The following DLG2 variants were observed in gnomAD, a reference collection of about 807,000 sequenced individuals.
DLG2 encodes the protein discs large MAGUK scaffold protein 2, also known as disks large homolog 2.
DLG2 carries 45 observed loss-of-function variants against 132.5 expected under a neutral mutation model. The ratio of observed to expected loss-of-function variants is 0.34; its 90% CI spans 0.27 to 0.44. DLG2 has a LOEUF of 0.44. DLG2 is among the 20% of genes least tolerant of loss of function. The pLI is 1.00. For synonymous variants in DLG2, 424 were observed against 419.6 expected (o/e 1.01, Z -0.13); for missense variants, 1,045 against 1,196.9 (o/e 0.87, Z 1.87).
chr11:84,643,676 T>C (rs531679835), intron 6 of DLG2, among the ~76,000 whole-genome samples: 4 of 152,168 alleles, frequency 2.6e-5, no homozygotes, highest in Non-Finnish European at 5.9e-5. Flanking sequence ...GGGTTTTCTG[T>C]TTGTTTTTTA....
At chr11:84,541,097 G>A (rs538489850) in intron 6 of DLG2, among the ~76,000 whole-genome samples, 3 of 152,016 alleles carry the variant, frequency 2.0e-5, no homozygotes, top group Non-Finnish European at 2.9e-5. Flanking sequence ...TGTAAATGAC[G>A]AGTTAATGGG....
At chr11:83,556,832 T>G (rs2096528913) in intron 19 of DLG2, among the ~76,000 whole-genome samples, 1 of 152,108 alleles carries the variant, frequency 6.6e-6, no homozygotes, top group African/African-American at 2.4e-5. Flanking sequence ...CAGCATCCAG[T>G]GGAAGGCAAG....
At chr11:85,018,318 A>G (rs2059736659) in intron 6 of DLG2, among the ~76,000 whole-genome samples, 1 of 152,188 alleles carries the variant, frequency 6.6e-6, no homozygotes, top group Admixed American at 6.5e-5. Context: ...AATATGCAAA[A>G]TCACTGATAA....
intron 3 of DLG2, among the ~76,000 whole-genome samples, chr11:85,382,340 T>C (rs545783668): frequency 7.7e-4 from 118 of 152,276 alleles, no homozygotes; most frequent in Non-Finnish European, 1.2e-3. Flanking sequence ...TTTGAACCTT[T>C]ATTTCATACC....
intron 4 of DLG2, among the ~76,000 whole-genome samples, chr11:85,252,003 A>C (rs1042067909): frequency 6.6e-6 from 1 of 152,194 alleles, no homozygotes; most frequent in African/African-American, 2.4e-5. Flanking sequence ...CTTATATAAG[A>C]TAACAAAATA....
intron 6 of DLG2, among the ~76,000 whole-genome samples, chr11:84,866,478 C>T (rs768695907): frequency 6.6e-5 from 10 of 152,088 alleles, no homozygotes; most frequent in Non-Finnish European, 1.3e-4. Flanking sequence ...AATCAGAGTG[C>T]GAGGAGGTGT....
chr11:85,163,196 T>TTA (rs2078169113), intron 4 of DLG2, among the ~76,000 whole-genome samples: 1 of 150,190 alleles, frequency 6.7e-6, no homozygotes, highest in South Asian at 2.1e-4. Context: ...AAACTCCCCT[T>TTA]TATATATATT....
intron 11 of DLG2, among the ~76,000 whole-genome samples, chr11:84,018,015 T>G (rs1175686327): frequency 1.3e-5 from 2 of 152,008 alleles, no homozygotes; most frequent in African/African-American, 4.8e-5. Context: ...CTATATCCAT[T>G]GTGGTAGTAG....
intron 9 of DLG2, among the ~76,000 whole-genome samples, chr11:84,140,002 T>G (rs141497995): frequency 5.3e-4 from 80 of 152,316 alleles, no homozygotes; most frequent in African/African-American, 1.2e-3. Flanking sequence ...GAACTATTTC[T>G]TTTGATTTCA....
chr11:83,831,342 C>T (rs1219857778), intron 17 of DLG2, among the ~76,000 whole-genome samples: 11 of 152,114 alleles, frequency 7.2e-5, no homozygotes, highest in South Asian at 4.1e-4. Flanking sequence ...TGGGACTATA[C>T]GCTGTATCTC....
intron 8 of DLG2, among the ~76,000 whole-genome samples, chr11:84,248,781 C>A (rs2097335412): frequency 6.6e-6 from 1 of 152,172 alleles, no homozygotes; most frequent in Non-Finnish European, 1.5e-5. Flanking sequence ...GCAAGAGAGT[C>A]ACTTGAACCT....
chr11:84,977,667 T>A (rs1382897214), intron 6 of DLG2, among the ~76,000 whole-genome samples: 1 of 152,170 alleles, frequency 6.6e-6, no homozygotes, highest in East Asian at 1.9e-4. Flanking sequence ...TAAAATAGCA[T>A]CAATTGTGTC....
At position 84,862,866 on chromosome 11, in the gene DLG2, C is replaced by T. The variant is rs1174818334; in HGVS notation, c.357+248795G>A. The stretch of plus-strand genomic sequence containing the variant: ...GGGAGGAATAGCATTAGGAGAAATA[C>T]CTAATGTACGTGACGGGTTGACAGG... On this transcript the variant is annotated intron_variant, in intron 6 of 27. Coordinates refer to ENST00000376104, the MANE Select transcript of DLG2 (RefSeq NM_001142699.3). Among the ~76,000 whole-genome samples, 9 of 147,780 alleles carry T rather than the reference C, an allele frequency of 6.1e-5. No homozygotes were observed. The Admixed American group carries it at 6.2e-4, about 10-fold the overall frequency.
At position 85,456,977 on chromosome 11, in the gene DLG2, G is replaced by C. The variant is rs547757286; in HGVS notation, c.40+141680C>G. On this transcript the variant is annotated intron_variant, in intron 3 of 27. Coordinates refer to ENST00000376104, the MANE Select transcript of DLG2 (RefSeq NM_001142699.3). ...TGGTTAAGTGTTGAGTTCAGGTCCTGAATATCTGTTAATTGTTTGCCTCAA... is the reference window on the plus strand; with the variant it reads ...TGGTTAAGTGTTGAGTTCAGGTCCTCAATATCTGTTAATTGTTTGCCTCAA... Among the ~76,000 whole-genome samples, 3 of 152,250 alleles carry C rather than the reference G, an allele frequency of 2.0e-5. No homozygotes were observed. In the East Asian group the frequency reaches 5.8e-4, roughly 29 times the overall value.
At chr11:83,935,051 CA>C (rs2081159039) in intron 14 of DLG2, among the ~76,000 whole-genome samples, 1 of 152,066 alleles carries the variant, frequency 6.6e-6, no homozygotes, top group Admixed American at 6.5e-5. Flanking sequence ...TCAGATTCTC[CA>C]AAGGTTATCC....
At chr11:84,644,475 G>A (rs1235921224) in intron 6 of DLG2, among the ~76,000 whole-genome samples, 2 of 152,078 alleles carry the variant, frequency 1.3e-5, no homozygotes, top group African/African-American at 4.8e-5. Flanking sequence ...AGGGGACAGA[G>A]GCGGGCGAGT....
rs2096898945 is a variant in DLG2 at position 83,577,654 on chromosome 11, TA to T, written c.1941-35797del. The stretch of plus-strand genomic sequence containing the variant: ...TTTATAATAGGATATATTTATAATA[TA>T]TAATATTATAAATATATCCTATTTA... On this transcript the variant is annotated intron_variant, in intron 19 of 27. Transcript: ENST00000376104. Among the ~76,000 whole-genome samples the T allele has an allele frequency of 4.0e-5, 5 of 125,310 alleles. No individual in the cohort carries two copies. In the South Asian group the frequency reaches 1.2e-3, roughly 29 times the overall value. 82.2% of individuals were successfully genotyped at this position (125,310 alleles called of 152,430 possible). A position where few individuals can be genotyped will look rare whatever the true frequency, so the allele number is the denominator to read the frequency against.
chr11:84,774,558 G>T (rs563776120), intron 6 of DLG2, among the ~76,000 whole-genome samples: 1 of 152,044 alleles, frequency 6.6e-6, no homozygotes, highest in Non-Finnish European at 1.5e-5. Context: ...ATACTGTAAG[G>T]CTACATTAAC....
chr11:83,844,547 CAAAAAAAAAAAAA>C (rs59755957), intron 16 of DLG2, among the ~76,000 whole-genome samples: 1 of 70,658 alleles, frequency 1.4e-5, no homozygotes, highest in Non-Finnish European at 2.5e-5. Context: ...GAGTCTGTAT[CAAAAAAAAAAAAA>C]AAAAAAAAAA....
Sources: allele counts gnomAD v4.1 joint callset (sites outside exome capture counted in the v4.1 genomes callset), GRCh38; gene constraint gnomAD v4.1.1; transcripts MANE v1.5; gene names NCBI Gene and HGNC (gene_info 2026-07-23, HGNC 2026-07-21).